The following ZNRF3 variants were observed in gnomAD, a reference collection of about 807,000 sequenced individuals.
ZNRF3 encodes the protein E3 ubiquitin-protein ligase ZNRF3.
Under a neutral mutation model 72.5 loss-of-function variants are expected in ZNRF3, and 23 were observed. The observed-to-expected ratio is 0.32, with a 90% confidence interval of 0.23 to 0.45. The LOEUF is 0.45. ZNRF3 is among the 20% of genes least tolerant of loss of function. The pLI is 1.00. For missense variants in ZNRF3, 1,169 were observed against 1,272.1 expected, an observed-to-expected ratio of 0.92 and a Z score of 1.23; for synonymous variants, 610 against 545.3, an observed-to-expected ratio of 1.12 and a Z score of -1.65.
intron 1 of ZNRF3, among the ~76,000 whole-genome samples, chr22:28,901,932 CTTTTTTTT>C (rs398036773): frequency 2.7e-5 from 3 of 112,962 alleles, no homozygotes; most frequent in African/African-American, 6.6e-5. Context: ...TTTAAGTTAA[CTTTTTTTT>C]TTTTTTTTTT....
chr22:28,992,203 C>A (rs1465092542), intron 2 of ZNRF3, among the ~76,000 whole-genome samples: 2 of 146,916 alleles, frequency 1.4e-5, no homozygotes, highest in South Asian at 2.3e-4. Context: ...CCACCCCCCA[C>A]CCCCCGGAAA....
In ZNRF3 at chr22:29,042,487, T is replaced by C. The variant is rs1601703820; in HGVS notation, c.427-8T>C. On this transcript the variant is annotated splice_region_variant and splice_polypyrimidine_tract_variant and intron_variant, in intron 2 of 8. Coordinates refer to ENST00000544604, the MANE Select transcript of ZNRF3 (RefSeq NM_001206998.2). ...AGGGCCAACCTGCTGTTTTTTTAAC[T>C]CTGGCAGGCCAAGCGAGCAGTACAG... 1 of 1,613,642 alleles carries C rather than the reference T, an allele frequency of 6.2e-7. No individual in the cohort carries two copies.
intron 1 of ZNRF3, among the ~76,000 whole-genome samples, chr22:28,924,744 T>A (rs565409992): frequency 7.9e-5 from 12 of 152,030 alleles, no homozygotes; most frequent in African/African-American, 2.4e-4. Flanking sequence ...CTCTAAAAAA[T>A]AATAATAATA....
At position 28,904,599 on chromosome 22, in the gene ZNRF3, T is replaced by TTC. The variant is rs372747315; in HGVS notation, c.300+20551_300+20552dup. Among the ~76,000 whole-genome samples, 1,481 of 150,928 alleles carry TTC rather than the reference T, an allele frequency of 9.8e-3. 22 individuals are homozygous for TTC. Among genetic ancestry groups the TTC allele is most frequent in the African/African-American group, 0.029 (1,207 of 41,278 alleles). ...CATTTCAGTGTGTGCTTTCTTTTTC[T>TTC]TCTCTCTCTCTCTCTCTCTTTTAAC... On this transcript the variant is annotated intron_variant, in intron 1 of 8. Transcript: ENST00000544604.
At chr22:29,021,313 G>C (rs28372482) in intron 2 of ZNRF3, among the ~76,000 whole-genome samples, 7 of 152,090 alleles carry the variant, frequency 4.6e-5, no homozygotes, top group Non-Finnish European at 1.0e-4. Flanking sequence ...GAGGTATTAT[G>C]TTGCTCGATC....
At chr22:28,994,137 CCTTT>C (rs2036003870) in intron 2 of ZNRF3, among the ~76,000 whole-genome samples, 1 of 147,626 alleles carries the variant, frequency 6.8e-6, no homozygotes, top group Non-Finnish European at 1.5e-5. Flanking sequence ...ATCTTCTCTT[CCTTT>C]CTCTCTCCCT....
chr22:29,049,695 G>A lies in ZNRF3; in HGVS notation c.1514G>A (p.Gly505Asp). 1 of 1,606,178 alleles carries A rather than the reference G, an allele frequency of 6.2e-7. No individual in the cohort carries two copies. ...CGTGCCTTTCCTCCGAGCGGCAGTG[G>A]CAGCCTGCTCTTCCCCACCGTGGTG... is the stretch of plus-strand genomic sequence containing the variant. ...PARAFPPSGS[G>D]SLLFPTVVHV... The change falls in exon 8 of 9, where the codon GGC becomes GAC. Residue 505 changes from glycine to aspartate, a missense_variant. Around this residue, in one of 2 missense-constraint regions of ZNRF3, gnomAD observed 783 missense variants for 731.4 expected, o/e 1.07. Transcript: ENST00000544604. This position sits in a 1 kb window ranked among gnomAD's most constrained non-coding sequence, Gnocchi z 5.2.
At chr22:28,914,456 C>T (rs2034372967) in intron 1 of ZNRF3, among the ~76,000 whole-genome samples, 1 of 150,222 alleles carries the variant, frequency 6.7e-6, no homozygotes, top group African/African-American at 2.4e-5. Flanking sequence ...AAATTCTTCT[C>T]CAAATATGTG....
intron 2 of ZNRF3, among the ~76,000 whole-genome samples, chr22:29,006,772 A>G (rs2123849154): frequency 6.6e-6 from 1 of 152,342 alleles, no homozygotes; most frequent in Non-Finnish European, 1.5e-5. Flanking sequence ...AAAGGTTTCT[A>G]AAACTTGCAG....
intron 1 of ZNRF3, among the ~76,000 whole-genome samples, chr22:28,953,704 T>C (rs569097993): frequency 2.6e-5 from 4 of 152,352 alleles, no homozygotes; most frequent in Non-Finnish European, 5.9e-5. Context: ...CATCAATCAT[T>C]AATCAGACAC....
At chr22:28,954,755 C>T (rs1452219353) in intron 1 of ZNRF3, among the ~76,000 whole-genome samples, 2 of 151,680 alleles carry the variant, frequency 1.3e-5, no homozygotes, top group African/African-American at 4.8e-5. Context: ...GCTGGGACTA[C>T]AGGTGTGTGC....
At chr22:28,951,607 TTTTACCCAG>T (rs2035161941) in intron 1 of ZNRF3, among the ~76,000 whole-genome samples, 1 of 152,146 alleles carries the variant, frequency 6.6e-6, no homozygotes, top group African/African-American at 2.4e-5. Context: ...CAAATTTCTT[TTTTACCCAG>T]TTTATGGTAG....
chr22:28,948,349 A>G (rs1439125316), intron 1 of ZNRF3, among the ~76,000 whole-genome samples: 3 of 151,564 alleles, frequency 2.0e-5, no homozygotes, highest in South Asian at 2.1e-4. Context: ...AAATTTTTGT[A>G]GAGACCGAGT....
intron 1 of ZNRF3, among the ~76,000 whole-genome samples, chr22:28,938,866 T>C (rs1301410123): frequency 1.3e-5 from 2 of 152,190 alleles, no homozygotes; most frequent in East Asian, 3.8e-4. Flanking sequence ...CTTGGAACCA[T>C]GGCAGAACAG....
At chr22:28,897,362 C>G (rs1028891325) in intron 1 of ZNRF3, among the ~76,000 whole-genome samples, 6 of 152,148 alleles carry the variant, frequency 3.9e-5, no homozygotes, top group African/African-American at 1.4e-4. Flanking sequence ...TGTCACCCAC[C>G]CAGGCTGGAG....
chr22:29,007,762 T>C (rs2123850145), intron 2 of ZNRF3, among the ~76,000 whole-genome samples: 1 of 144,662 alleles, frequency 6.9e-6, no homozygotes. Flanking sequence ...CTTTTTTTTT[T>C]TTTTTTTTTT....
rs143515507 is a variant in ZNRF3, at chr22:28,983,776, A to C, written c.301-3300A>C. On this transcript the variant is annotated intron_variant, in intron 1 of 8. Coordinates refer to ENST00000544604, the MANE Select transcript of ZNRF3 (RefSeq NM_001206998.2). ...CCATGAAATAGTGTGATCAGATTAA[A>C]TGCAAAACAAGTTTATAAACAAAGG... Among the ~76,000 whole-genome samples, 163 of 152,370 alleles carry C rather than the reference A, an allele frequency of 1.1e-3. 1 individual carries two copies. Among genetic ancestry groups the C allele is most frequent in the African/African-American group, 3.7e-3 (154 of 41,586 alleles).
chr22:29,042,656 C>G (rs978338626), intron 3 of ZNRF3, 87 bp downstream of exon 3: 1 of 1,193,504 alleles, frequency 8.4e-7, no homozygotes, highest in African/African-American at 1.5e-5. Context: ...GTCATGTCAC[C>G]CTCATCTCAG....
rs1343985383 is a variant in ZNRF3, at chr22:29,030,551, C to T, written c.427-11944C>T. ...TCCGGAACTCAGAACCTGCAGCCGA[C>T]GGGAGCCTTTGGAGGCTTAATGACT... On this transcript the variant is annotated intron_variant, in intron 2 of 8. Coordinates refer to ENST00000544604, the MANE Select transcript of ZNRF3 (RefSeq NM_001206998.2). This position sits in a 1 kb window ranked among gnomAD's most constrained non-coding sequence, Gnocchi z 4.2. Among the ~76,000 whole-genome samples, 1 of 152,150 alleles carries T rather than the reference C, an allele frequency of 6.6e-6. No individual in the cohort carries two copies. Among genetic ancestry groups the T allele is most frequent in the East Asian group, 1.9e-4 (1 of 5,188 alleles).
Sources: gnomAD v4.1 joint callset for allele counts (sites outside exome capture counted in the v4.1 genomes callset) on GRCh38, gnomAD v4.1.1 for gene constraint, gnomAD v4.1.1 regional missense constraint, Gnocchi (gnomAD v3.1) non-coding constraint, MANE v1.5 for transcripts, NCBI Gene and HGNC (gene_info 2026-07-23, HGNC 2026-07-21) for gene names.